BCKDHB: variants seen among roughly 807,000 people sequenced by gnomAD.
The protein encoded by BCKDHB is 2-oxoisovalerate dehydrogenase subunit beta, mitochondrial.
A neutral mutation model predicts 48.5 loss-of-function variants in BCKDHB; 41 were observed. The observed-to-expected ratio is 0.85, with a 90% confidence interval of 0.66 to 1.10. The LOEUF (loss-of-function observed/expected upper bound fraction) is 1.10, where lower values mean the gene tolerates loss of function less well. Ranked by LOEUF, BCKDHB falls within the 50% of genes least tolerant of loss-of-function variation. BCKDHB has a pLI of 0.00. For synonymous variants in BCKDHB, 201 were observed against 174.8 expected, an observed-to-expected ratio of 1.15 and a Z score of -1.18; for missense variants, 496 against 494.2, an observed-to-expected ratio of 1.00 and a Z score of -0.03.
chr6:80,369,762 G>A, the BCKDHB span, among the ~76,000 whole-genome samples: 1 of 152,198 alleles, frequency 6.6e-6, no homozygotes, highest in Admixed American at 6.5e-5. Flanking sequence ...GAGTGGTACA[G>A]TTAGCTTTTA....
chr6:80,378,236 G>A, the BCKDHB span, among the ~76,000 whole-genome samples: 209 of 152,102 alleles, frequency 1.4e-3, 1 homozygote, highest in Middle Eastern at 6.8e-3. Context: ...CTTCTCCCAT[G>A]CTCCCTTCTT....
At chr6:80,208,827 G>T (rs1774788172) in intron 8 of BCKDHB, among the ~76,000 whole-genome samples, 1 of 151,758 alleles carries the variant, frequency 6.6e-6, no homozygotes, top group Non-Finnish European at 1.5e-5. Context: ...TGGCTTTATT[G>T]GTGAATTCTC....
At chr6:80,433,741 G>T in the BCKDHB span, among the ~76,000 whole-genome samples, 7 of 152,106 alleles carry the variant, frequency 4.6e-5, no homozygotes, top group African/African-American at 1.7e-4. Context: ...AAGCTAGTTC[G>T]ATGTCTGTCC....
chr6:80,337,332 T>C (rs553998228), intron 9 of BCKDHB, among the ~76,000 whole-genome samples: 11 of 152,288 alleles, frequency 7.2e-5, no homozygotes, highest in African/African-American at 2.6e-4. Context: ...TACATCATTT[T>C]AGAATACTGG....
the BCKDHB span, among the ~76,000 whole-genome samples, chr6:80,401,337 C>G: frequency 2.6e-5 from 4 of 151,846 alleles, no homozygotes; most frequent in Admixed American, 2.6e-4. Flanking sequence ...TCACCACCAT[C>G]AAAGCCAGGT....
intron 1 of BCKDHB, among the ~76,000 whole-genome samples, chr6:80,116,664 G>A (rs992680867): frequency 6.6e-6 from 1 of 152,138 alleles, no homozygotes; most frequent in African/African-American, 2.4e-5. Flanking sequence ...TTAACAATAG[G>A]CAACCATTAA....
chr6:80,366,890 T>A, the BCKDHB span, among the ~76,000 whole-genome samples: 3 of 152,322 alleles, frequency 2.0e-5, no homozygotes, highest in East Asian at 5.8e-4. Context: ...TCTGGCAGAA[T>A]TAGGAGGTGA....
chr6:80,190,871 T>C (rs1434820454), intron 6 of BCKDHB, among the ~76,000 whole-genome samples: 1 of 152,188 alleles, frequency 6.6e-6, no homozygotes, highest in Non-Finnish European at 1.5e-5. Flanking sequence ...CTGAGGTTTT[T>C]GAGGCACCTT....
intron 8 of BCKDHB, among the ~76,000 whole-genome samples, chr6:80,209,836 T>C (rs1774837134): frequency 6.6e-6 from 1 of 151,804 alleles, no homozygotes. Flanking sequence ...ATCAAAAGGG[T>C]GCCAATAAGA....
At chr6:80,415,228 T>A in the BCKDHB span, among the ~76,000 whole-genome samples, 1 of 152,186 alleles carries the variant, frequency 6.6e-6, no homozygotes, top group South Asian at 2.1e-4. Context: ...TTTGACTTCC[T>A]CTTTTACTAT....
the BCKDHB span, among the ~76,000 whole-genome samples, chr6:80,446,481 C>A: frequency 1.4e-3 from 208 of 152,278 alleles, no homozygotes; most frequent in African/African-American, 4.8e-3. Context: ...GAGAACTGCT[C>A]AGTCCAATAG....
chr6:80,167,228 C>G (rs1189370913), intron 3 of BCKDHB, among the ~76,000 whole-genome samples: 1 of 151,688 alleles, frequency 6.6e-6, no homozygotes, highest in Non-Finnish European at 1.5e-5. Flanking sequence ...TTTTTATTGT[C>G]TATTTTTTCC....
At chr6:80,196,989 G>A (rs1774160137) in intron 6 of BCKDHB, among the ~76,000 whole-genome samples, 1 of 152,126 alleles carries the variant, frequency 6.6e-6, no homozygotes, top group Non-Finnish European at 1.5e-5. Context: ...TTTCTCTGAG[G>A]AATGCTTATT....
the BCKDHB span, among the ~76,000 whole-genome samples, chr6:80,433,147 C>A: frequency 7.9e-5 from 12 of 152,254 alleles, no homozygotes; most frequent in Middle Eastern, 3.4e-3. Flanking sequence ...GGTCAGGGAC[C>A]TACTTGAGGA....
intron 3 of BCKDHB, among the ~76,000 whole-genome samples, chr6:80,166,575 G>A (rs1466973589): frequency 6.6e-6 from 1 of 151,648 alleles, no homozygotes; most frequent in East Asian, 1.9e-4. Flanking sequence ...AGAATGGCTT[G>A]AACTCAGGAG....
At chr6:80,399,501 G>T in the BCKDHB span, among the ~76,000 whole-genome samples, 6 of 152,044 alleles carry the variant, frequency 3.9e-5, no homozygotes, top group East Asian at 1.9e-4. Flanking sequence ...ATTCACAATT[G>T]CCACAAAAAA....
intron 7 of BCKDHB, among the ~76,000 whole-genome samples, chr6:80,202,814 C>A (rs902919130): frequency 6.8e-6 from 1 of 146,488 alleles, no homozygotes; most frequent in Admixed American, 6.8e-5. Flanking sequence ...ATGCTTTCTA[C>A]GTATTTGTAT....
rs993121835 is a variant in BCKDHB at position 80,225,065 on chromosome 6, T to A, written c.951+21853T>A. On this transcript the variant is annotated intron_variant, in intron 8 of 9. Transcript: ENST00000320393. Reference sequence around the variant, plus strand: ...CTTGTATGTAACTTGCCTTTGAATATTCGAAGACAGCCTCCTCATAGTCCT... The same window carrying A: ...CTTGTATGTAACTTGCCTTTGAATAATCGAAGACAGCCTCCTCATAGTCCT... Among the ~76,000 whole-genome samples the A allele has an allele frequency of 8.5e-5, 13 of 152,330 alleles. No homozygotes were observed. The East Asian group carries it at 2.5e-3, about 29-fold the overall frequency.
At chr6:80,332,149 C>G (rs1769343605) in intron 9 of BCKDHB, among the ~76,000 whole-genome samples, 1 of 152,088 alleles carries the variant, frequency 6.6e-6, no homozygotes. Flanking sequence ...CTTGATGGCG[C>G]TTATGTGTGT....
Sources: gnomAD v4.1 joint callset for allele counts (sites outside exome capture counted in the v4.1 genomes callset) on GRCh38, gnomAD v4.1.1 for gene constraint, MANE v1.5 for transcripts, NCBI Gene and HGNC (gene_info 2026-07-23, HGNC 2026-07-21) for gene names.